Variants in PLCB4 observed in about 807,000 individuals in gnomAD.
PLCB4 encodes the protein 1-phosphatidylinositol 4,5-bisphosphate phosphodiesterase beta-4.
Under a neutral mutation model 178.8 loss-of-function variants are expected in PLCB4, and 77 were observed. The observed-to-expected ratio is 0.43, with a 90% CI of 0.36 to 0.52. The LOEUF (loss-of-function observed/expected upper bound fraction) is 0.52, where lower values mean the gene tolerates loss of function less well. Among genes scored for constraint, PLCB4 ranks in the 20% least tolerant of loss-of-function variants. PLCB4 has a pLI of 0.00. For synonymous variants in PLCB4, 496 were observed against 490.8 expected, an observed-to-expected ratio of 1.01 and a Z score of -0.14; for missense variants, 1,024 against 1,453.4, an observed-to-expected ratio of 0.70 and a Z score of 4.80.
intron 7 of PLCB4, among the ~76,000 whole-genome samples, chr20:9,344,964 G>A (rs572447726): frequency 6.6e-6 from 1 of 152,232 alleles, no homozygotes; most frequent in African/African-American, 2.4e-5. Flanking sequence ...TCGCTAATAG[G>A]CGAGTCTTAT....
intron 3 of PLCB4, among the ~76,000 whole-genome samples, chr20:9,259,208 T>C (rs2094271285): frequency 6.6e-6 from 1 of 152,146 alleles, no homozygotes; most frequent in South Asian, 2.1e-4. Flanking sequence ...TTTTTCTTTG[T>C]TAATGTTTTT....
intron 2 of PLCB4, among the ~76,000 whole-genome samples, chr20:9,111,110 T>C (rs1186436839): frequency 2.0e-5 from 3 of 151,816 alleles, no homozygotes; most frequent in Non-Finnish European, 4.4e-5. Context: ...GATTGAACGA[T>C]GTTAGACTTA....
intron 3 of PLCB4, among the ~76,000 whole-genome samples, chr20:9,282,599 C>T (rs568235538): frequency 6.6e-6 from 1 of 152,152 alleles, no homozygotes; most frequent in South Asian, 2.1e-4. Context: ...CACTTACTCA[C>T]TAGAGCCTCA....
intron 20 of PLCB4, among the ~76,000 whole-genome samples, chr20:9,403,019 G>T (rs980537130): frequency 2.0e-5 from 3 of 152,174 alleles, no homozygotes; most frequent in Non-Finnish European, 4.4e-5. Context: ...TCTGCAAAGT[G>T]AAGACGATAA....
intron 4 of PLCB4, among the ~76,000 whole-genome samples, chr20:9,331,028 C>T (rs2031566447): frequency 6.6e-6 from 1 of 152,128 alleles, no homozygotes; most frequent in Non-Finnish European, 1.5e-5. Context: ...TCCCAGTTTA[C>T]AGCTAGGAAA....
At chr20:9,306,922 T>C (rs1454668065) in intron 3 of PLCB4, among the ~76,000 whole-genome samples, 1 of 152,066 alleles carries the variant, frequency 6.6e-6, no homozygotes, top group Non-Finnish European at 1.5e-5. Context: ...AAAAACAGGG[T>C]TCTTTGTCCC....
chr20:9,094,462 G>T (rs2090819240), intron 1 of PLCB4, among the ~76,000 whole-genome samples: 1 of 151,908 alleles, frequency 6.6e-6, no homozygotes, highest in Non-Finnish European at 1.5e-5. Context: ...GGTTGTGATA[G>T]TTATGATCTG....
At position 9,421,310 on chromosome 20, in the gene PLCB4, A is replaced by G; in HGVS notation, c.2168A>G (p.Gln723Arg). ...ATCSVQVISG[Q>R]FLSDKKIGTY... ...GTGCTGCTACAGGTTATATCAGGTCAATTCTTATCAGATAAGAAAATTGGC... is the reference window on the plus strand; with the variant it reads ...GTGCTGCTACAGGTTATATCAGGTCGATTCTTATCAGATAAGAAAATTGGC... The change falls in exon 27 of 40, where the codon CAA becomes CGA. Residue 723 changes from glutamine to arginine, a missense_variant. Coordinates refer to ENST00000378473, the MANE Select transcript of PLCB4 (RefSeq NM_001377142.1). The G allele has an allele frequency of 6.2e-7, 1 of 1,613,402 alleles. No homozygotes were observed.
intron 7 of PLCB4, among the ~76,000 whole-genome samples, chr20:9,355,437 C>T (rs1408176527): frequency 6.6e-6 from 1 of 152,020 alleles, no homozygotes; most frequent in Non-Finnish European, 1.5e-5. Context: ...AATGCTGTCC[C>T]TCCCCCATCC....
chr20:9,318,527 A>T (rs1601811461), intron 4 of PLCB4, among the ~76,000 whole-genome samples: 1 of 152,216 alleles, frequency 6.6e-6, no homozygotes, highest in Admixed American at 6.5e-5. Context: ...GTCTTCTAAC[A>T]TCCAGAATAA....
At position 9,377,953 on chromosome 20, in the gene PLCB4, C is replaced by T. The variant is rs116065200; in HGVS notation, c.745-2101C>T. Among the ~76,000 whole-genome samples the T allele has an allele frequency of 3.0e-3, 450 of 152,220 alleles. 2 individuals carry two copies. The highest frequency in any genetic ancestry group is 9.7e-3 in the African/African-American group (404 of 41,542). On this transcript the variant is annotated intron_variant, in intron 12 of 39. Transcript: ENST00000378473. ...AAAACACAGATTAATAGGTTCCACCCCAGAGATCAGCAGATTCAGTAGATC... is the reference window on the plus strand; with the variant it reads ...AAAACACAGATTAATAGGTTCCACCTCAGAGATCAGCAGATTCAGTAGATC...
At chr20:9,455,238 A>G (rs528100830) in intron 33 of PLCB4, among the ~76,000 whole-genome samples, 1 of 152,344 alleles carries the variant, frequency 6.6e-6, no homozygotes, top group East Asian at 1.9e-4. Flanking sequence ...TATTTACAAG[A>G]TATCTTTTCA....
chr20:9,275,877 G>A (rs2147653477), intron 3 of PLCB4, among the ~76,000 whole-genome samples: 1 of 152,166 alleles, frequency 6.6e-6, no homozygotes, highest in East Asian at 1.9e-4. Context: ...GTAAGGATAG[G>A]AAACTTATTG....
In PLCB4 at chr20:9,145,121, A is replaced by G. The variant is rs2092573963; in HGVS notation, c.-79+48779A>G. 2.0e-5 allele frequency among the ~76,000 whole-genome samples: 3 copies of G among 152,080 alleles called. No homozygotes were observed. In the South Asian group the frequency reaches 6.2e-4, roughly 32 times the overall value. On this transcript the variant is annotated intron_variant, in intron 2 of 39. Coordinates refer to ENST00000378473, the MANE Select transcript of PLCB4 (RefSeq NM_001377142.1). ...TGGGGTAACTGAGATAGTGAAATGT[A>G]TCCAAGGTGAAAGTGAGTGAAAACA...
chr20:9,331,080 T>A lies in PLCB4; in HGVS notation c.85-6046T>A, dbSNP rs138353117. ...GTTAAGCAGAATAACTGCAAGATTC[T>A]CCAGCAGTTGCCTGGTGAGGAGGCT... On this transcript the variant is annotated intron_variant, in intron 4 of 39. Transcript: ENST00000378473. Among the ~76,000 whole-genome samples the A allele has an allele frequency of 2.7e-3, 418 of 152,282 alleles. 2 individuals carry two copies. The highest frequency in any genetic ancestry group is 9.6e-3 in the African/African-American group (401 of 41,576).
chr20:9,195,369 C>T (rs145986406), intron 2 of PLCB4, among the ~76,000 whole-genome samples: 31 of 152,264 alleles, frequency 2.0e-4, no homozygotes, highest in African/African-American at 5.8e-4. Flanking sequence ...CAACCTGACT[C>T]GGCTAAGGGT....
At chr20:9,256,472 C>G (rs559737602) in intron 3 of PLCB4, among the ~76,000 whole-genome samples, 2 of 152,300 alleles carry the variant, frequency 1.3e-5, no homozygotes, top group South Asian at 4.1e-4. Flanking sequence ...TTCCTCTTGT[C>G]GGCTAAACAA....
chr20:9,100,398 G>A (rs933712748), intron 2 of PLCB4, among the ~76,000 whole-genome samples: 2 of 152,128 alleles, frequency 1.3e-5, no homozygotes, highest in Non-Finnish European at 2.9e-5. Context: ...TTTAGAGACA[G>A]GGTCTTGCTC....
At chr20:9,230,503 C>T (rs2147347282) in intron 3 of PLCB4, among the ~76,000 whole-genome samples, 1 of 152,166 alleles carries the variant, frequency 6.6e-6, no homozygotes, top group Middle Eastern at 3.4e-3. Context: ...AAAGGATTTC[C>T]CTGACTGACC....
Sources: allele counts gnomAD v4.1 joint callset (sites outside exome capture counted in the v4.1 genomes callset), GRCh38; gene constraint gnomAD v4.1.1; transcripts MANE v1.5; gene names NCBI Gene and HGNC (gene_info 2026-07-23, HGNC 2026-07-21).